The following UPF1 variants were observed in gnomAD, a reference collection of about 807,000 sequenced individuals.
The protein encoded by UPF1 is regulator of nonsense transcripts 1.
Under a neutral mutation model 129.2 loss-of-function variants are expected in UPF1, and 9 were observed. The ratio of observed to expected loss-of-function variants is 0.07; its 90% CI spans 0.04 to 0.12. The LOEUF (loss-of-function observed/expected upper bound fraction) is 0.12, where lower values mean the gene tolerates loss of function less well. Among genes scored for constraint, UPF1 ranks in the 10% least tolerant of loss-of-function variants. The pLI is 1.00. For synonymous variants in UPF1, 649 were observed against 644.9 expected (o/e 1.01, Z -0.10); for missense variants, 788 against 1,525.3 (o/e 0.52, Z 8.05).
chr19:18,855,979 G>C lies in UPF1; in HGVS notation c.1599G>C (p.Lys533Asn). ...SNIAVDQLTE[K>N]IHQTGLKVVR... ...TCGCCGTGGACCAGCTAACGGAGAAGATCCACCAGACGGGGCTAAAGGTCG... is the reference window on the plus strand; with the variant it reads ...TCGCCGTGGACCAGCTAACGGAGAACATCCACCAGACGGGGCTAAAGGTCG... The change falls in exon 12 of 24, where the codon AAG (lysine) becomes AAC (asparagine). Residue 533 changes from lysine (K) to asparagine (N), a missense_variant. This residue lies in a region of UPF1 where 91 missense variants were observed against 157.2 expected (regional missense o/e 0.58). Transcript: ENST00000262803. 2 of 1,613,986 alleles carry C rather than the reference G, an allele frequency of 1.2e-6. No homozygotes were observed. The highest frequency in any genetic ancestry group is 1.7e-6 in the Non-Finnish European group (2 of 1,180,046).
Position 18,854,889 on chromosome 19 carries a change from G to A in UPF1, c.1276G>A (p.Ala426Thr), listed in dbSNP as rs898618174. 14 of 1,614,042 alleles carry A rather than the reference G, an allele frequency of 8.7e-6. No homozygotes were observed. Among genetic ancestry groups the A allele is most frequent in the African/African-American group, 1.3e-5 (1 of 74,942 alleles). ...KSTSFDRMQS[A>T]LKTFAVDETS... ...AAACCCTCCTCACAGGATGCAGAGC[G>A]CATTGAAAACGTTTGCCGTGGATGA... is the stretch of plus-strand genomic sequence containing the variant. The change falls in exon 10 of 24, where the codon GCA (alanine) becomes ACA (threonine). Residue 426 changes from alanine (A) to threonine (T), a missense_variant. Physicochemically the swap from Ala to Thr is moderately conservative, Grantham distance 58. This residue lies in a region of UPF1 where 227 missense variants were observed against 517.9 expected (regional missense o/e 0.44). Coordinates refer to ENST00000262803, the MANE Select transcript of UPF1 (RefSeq NM_002911.4).
At chr19:18,841,834 G>A (rs2055545329) in intron 1 of UPF1, among the ~76,000 whole-genome samples, 1 of 152,222 alleles carries the variant, frequency 6.6e-6, no homozygotes. Context: ...ACACCTGGCT[G>A]GAACAAGGGT....
At position 18,863,627 on chromosome 19, in the gene UPF1, A is replaced by T. The variant is rs776404528; in HGVS notation, c.2775+15A>T. The T allele has an allele frequency of 3.1e-6, 5 of 1,606,572 alleles. No homozygotes were observed. The Admixed American group carries it at 6.7e-5, about 22-fold the overall frequency. On this transcript the variant is annotated intron_variant, in intron 19 of 23. Transcript: ENST00000262803. ...CTATCAACCCGGTGAGCGCCTGCAC[A>T]GGACAGCAGGGCAGCACGGAGAAAC...
chr19:18,864,142 AATTCCTC>A (rs1414719554), intron 19 of UPF1, 21 bp from the exon 20 acceptor site: 3 of 1,608,688 alleles, frequency 1.9e-6, no homozygotes, highest in Non-Finnish European at 2.6e-6. Flanking sequence ...TGAGATGACA[AATTCCTC>A]ACCTATCTAA....
chr19:18,853,041 G>A lies in UPF1; in HGVS notation c.1027G>A (p.Ala343Thr). 4 of 1,614,090 alleles carry A rather than the reference G, an allele frequency of 2.5e-6. No homozygotes were observed. The highest frequency in any genetic ancestry group is 1.3e-5 in the African/African-American group (1 of 75,020). ...WDLGLNKKRI[A>T]YFTLPKTDSD... ...CCTGGGCCTTAACAAGAAGAGAATC[G>A]CCTACTTCACTTTGCCCAAGACTGA... Residue 343 changes from alanine to threonine, a missense_variant, in exon 7 of 24, where the codon GCC (alanine) becomes ACC (threonine). Physicochemically the swap from Ala to Thr is moderately conservative, Grantham distance 58. Coordinates refer to ENST00000262803, the MANE Select transcript of UPF1 (RefSeq NM_002911.4). The surrounding 1 kb of genome is among the most constrained non-coding windows in gnomAD (Gnocchi z 4.4).
chr19:18,861,320 G>C (rs979447288), intron 17 of UPF1, among the ~76,000 whole-genome samples: 12 of 152,246 alleles, frequency 7.9e-5, no homozygotes, highest in African/African-American at 2.7e-4. Flanking sequence ...ATGTTGTGCT[G>C]TGGAGACCGT....
chr19:18,852,068 T>C, intron 5 of UPF1, 67 bp from the exon 6 acceptor site: 1 of 1,494,738 alleles, frequency 6.7e-7, no homozygotes, highest in Non-Finnish European at 8.9e-7. Context: ...CTGGTGCCTC[T>C]GCGCCCTCGT....
intron 23 of UPF1, 72 bp from the exon 24 acceptor site, chr19:18,866,449 C>T (rs2145976961): frequency 2.4e-6 from 1 of 408,766 alleles, no homozygotes; most frequent in East Asian, 4.8e-5. Context: ...CCCTCACTGT[C>T]CTGTGTGCTG....
Position 18,864,225 on chromosome 19 carries a change from G to T in UPF1, c.2831G>T (p.Gly944Val), listed in dbSNP as rs1393116059. 1 of 1,613,544 alleles carries T rather than the reference G, an allele frequency of 6.2e-7. No homozygotes were observed. The highest frequency in any genetic ancestry group is 2.2e-5 in the East Asian group (1 of 44,886). The stretch of plus-strand genomic sequence containing the variant: ...GATGCCCGGGAGGCCATCATCCCAG[G>T]CTCCGTCTATGATCGGAGCAGCCAG... ...MYDAREAIIPGSVYDRSSQGR... is the reference protein window; with the variant it reads ...MYDAREAIIPVSVYDRSSQGR... The change falls in exon 20 of 24, where the codon GGC becomes GTC. Residue 944 changes from glycine (G) to valine (V), a missense_variant. By Grantham distance (109) the Gly-to-Val change is moderately radical (BLOSUM62 -3). This residue lies in a region of UPF1 where 218 missense variants were observed against 318.1 expected (regional missense o/e 0.69). Coordinates refer to ENST00000262803, the MANE Select transcript of UPF1 (RefSeq NM_002911.4).
Position 18,854,617 on chromosome 19 carries a change from C to A in UPF1, c.1173C>A (p.Ile391=), listed in dbSNP as rs574782717. Reference sequence around the variant, plus strand: ...AGCACACAGATTATGGCGATGAGATCGCCATTGAGCTGCGGAGCAGCGTGG... The same window carrying A: ...AGCACACAGATTATGGCGATGAGATAGCCATTGAGCTGCGGAGCAGCGTGG... ...IKVPDNYGDE[I]AIELRSSVGA... is the part of the protein sequence containing the mutation. Residue 391 remains isoleucine, a synonymous_variant, in exon 9 of 24, where the codon ATC becomes ATA. Transcript: ENST00000262803. 2 of 1,612,640 alleles carry A rather than the reference C, an allele frequency of 1.2e-6. No individual in the cohort carries two copies. The highest frequency in any genetic ancestry group is 1.7e-6 in the Non-Finnish European group (2 of 1,179,160).
intron 13 of UPF1, 60 bp from the exon 14 acceptor site, chr19:18,856,817 C>T (rs2055723369): frequency 1.5e-5 from 24 of 1,550,534 alleles, no homozygotes; most frequent in Non-Finnish European, 2.1e-5. Context: ...CCCACCTGCC[C>T]TCCGGGGTCT....
At chr19:18,844,432 T>C (rs761783634) in intron 1 of UPF1, among the ~76,000 whole-genome samples, 1 of 151,918 alleles carries the variant, frequency 6.6e-6, no homozygotes, top group Non-Finnish European at 1.5e-5. Context: ...CAAGCAATTC[T>C]CCTGTCTCAG....
chr19:18,852,900 C>A, intron 6 of UPF1, 87 bp from the exon 7 acceptor site: 1 of 1,118,500 alleles, frequency 8.9e-7, no homozygotes, highest in Non-Finnish European at 1.3e-6. Flanking sequence ...TGCTGTAGGG[C>A]CCGCCTCATG....
At chr19:18,860,582 T>C (rs2055767525) in intron 16 of UPF1, 144 bp downstream of exon 16, 3 of 943,382 alleles carry the variant, frequency 3.2e-6, no homozygotes, top group African/African-American at 3.3e-5. Context: ...CTAAACCGTG[T>C]TGTTTCTGCC....
At chr19:18,862,506 C>T (rs1237816015) in intron 18 of UPF1, among the ~76,000 whole-genome samples, 1 of 152,036 alleles carries the variant, frequency 6.6e-6, no homozygotes. Flanking sequence ...AGAAGGGACC[C>T]CGAGAACAAG....
In UPF1 at chr19:18,865,200, TC is replaced by T; in HGVS notation, c.2858-87del. On this transcript the variant is annotated intron_variant, in intron 20 of 23. Coordinates refer to ENST00000262803, the MANE Select transcript of UPF1 (RefSeq NM_002911.4). The surrounding 1 kb of genome is among the most constrained non-coding windows in gnomAD (Gnocchi z 6.1). ...GGCAGAGCCAGGACAGATGTGCAGC[TC>T]CGGCTGACTGGCTGGTGGGGTGGGT... is the stretch of plus-strand genomic sequence containing the variant. 6.9e-7 allele frequency: 1 copy of T among 1,457,184 alleles called. No individual in the cohort carries two copies. Among genetic ancestry groups the T allele is most frequent in the Non-Finnish European group, 9.3e-7 (1 of 1,078,772 alleles). 90.3% of individuals were successfully genotyped at this position (1,457,184 alleles called of 1,614,324 possible).
chr19:18,860,569 A>G (rs528946110), intron 16 of UPF1, 131 bp downstream of exon 16: 1 of 984,730 alleles, frequency 1.0e-6, no homozygotes. Context: ...GCCTGTTTAG[A>G]CTCTAAACCG....
rs1411766431 is a variant in UPF1 at position 18,865,226 on chromosome 19, TG to T, written c.2858-59del. ...CCGGCTGACTGGCTGGTGGGGTGGG[TG>T]GGGTATCGCTGGGGTTTGACCGAGG... On this transcript the variant is annotated intron_variant, in intron 20 of 23. Transcript: ENST00000262803. The surrounding 1 kb of genome is among the most constrained non-coding windows in gnomAD (Gnocchi z 6.1). 2.7e-6 allele frequency: 4 copies of T among 1,504,658 alleles called. No homozygotes were observed. The highest frequency in any genetic ancestry group is 3.6e-6 in the Non-Finnish European group (4 of 1,118,008). The allele number at this position is 1,504,658 out of a possible 1,614,324, so 93.2% of individuals were successfully genotyped here.
intron 3 of UPF1, 109 bp downstream of exon 3, chr19:18,847,942 C>G: frequency 1.6e-6 from 2 of 1,259,088 alleles, no homozygotes; most frequent in Non-Finnish European, 2.3e-6. Flanking sequence ...GCTAACAAAC[C>G]TGGGTTTTTT....
Sources: gnomAD v4.1 joint callset for allele counts (sites outside exome capture counted in the v4.1 genomes callset) on GRCh38, gnomAD v4.1.1 for gene constraint, gnomAD v4.1.1 regional missense constraint, Gnocchi (gnomAD v3.1) non-coding constraint, MANE v1.5 for transcripts, NCBI Gene and HGNC (gene_info 2026-07-23, HGNC 2026-07-21) for gene names.